NHSL1: variants seen among roughly 807,000 people sequenced by gnomAD.
NHSL1 encodes NHS-like protein 1.
In NHSL1, 48 loss-of-function variants were observed where a neutral mutation model predicts 95.0. The ratio of observed to expected loss-of-function variants is 0.51; its 90% CI spans 0.40 to 0.64. NHSL1 has a LOEUF of 0.64. Ranked by LOEUF, NHSL1 falls within the 30% of genes least tolerant of loss-of-function variation. NHSL1 has a pLI of 0.00. For synonymous variants in NHSL1, 783 were observed against 833.9 expected, an observed-to-expected ratio of 0.94 and a Z score of 1.05; for missense variants, 1,971 against 2,077.7, an observed-to-expected ratio of 0.95 and a Z score of 1.00.
At chr6:138,588,965 A>G (rs3861392) in intron 1 of NHSL1, among the ~76,000 whole-genome samples, 69,703 of 151,936 alleles carry the variant, frequency 0.46, 17,795 homozygotes, top group African/African-American at 0.68. Context: ...AGAACACGAC[A>G]TGCAGTGCTT....
Position 138,422,449 on chromosome 6 carries a change from T to C in NHSL1, c.*1632A>G, listed in dbSNP as rs1388334775. On this transcript the variant is annotated 3_prime_UTR_variant, in exon 8 of 8. Transcript: ENST00000343505. ...CTAAAGTTTTAGTTTATAAGTCTCA[T>C]AATGATTTGACCCATGCAGTCCAAC... 6.6e-6 allele frequency: 1 copy of C among 152,226 alleles called. No individual in the cohort carries two copies. The highest frequency in any genetic ancestry group is 1.5e-5 in the Non-Finnish European group (1 of 68,026). The allele number at this position is 152,226 out of a possible 1,614,324, so 9.4% of individuals were successfully genotyped here.
intron 1 of NHSL1, among the ~76,000 whole-genome samples, chr6:138,663,678 T>G (rs565574899): frequency 6.1e-4 from 93 of 152,198 alleles, no homozygotes; most frequent in Admixed American, 1.3e-3. Flanking sequence ...GAGACCAGCC[T>G]GGTCAACATG....
upstream of NHSL1, among the ~76,000 whole-genome samples, chr6:138,577,299 T>C (rs1444715373): frequency 6.6e-6 from 1 of 152,218 alleles, no homozygotes; most frequent in African/African-American, 2.4e-5. Context: ...CAGCCAAAAA[T>C]AGGAACTAAT....
chr6:138,543,562 C>G (rs1782666883), intron 1 of NHSL1, among the ~76,000 whole-genome samples: 1 of 152,146 alleles, frequency 6.6e-6, no homozygotes, highest in South Asian at 2.1e-4. Flanking sequence ...TGATTTAAAC[C>G]AAAGGAAGAG....
intron 2 of NHSL1, among the ~76,000 whole-genome samples, chr6:138,488,965 T>C (rs1161900339): frequency 6.6e-6 from 1 of 152,184 alleles, no homozygotes. Context: ...AGCTCCAGCA[T>C]TCTAGGGGTC....
chr6:138,686,741 C>T (rs1168682068), intron 1 of NHSL1, among the ~76,000 whole-genome samples: 1 of 152,108 alleles, frequency 6.6e-6, no homozygotes, highest in Non-Finnish European at 1.5e-5. Flanking sequence ...GCTCAGGTCT[C>T]CCAATTCCTA....
chr6:138,595,470 G>A (rs1784291327), intron 1 of NHSL1, among the ~76,000 whole-genome samples: 2 of 152,186 alleles, frequency 1.3e-5, no homozygotes, highest in Non-Finnish European at 2.9e-5. Context: ...CAGCTACTCA[G>A]GAGGCCAAGG....
Position 138,499,307 on chromosome 6 carries a change from T to C in NHSL1, c.-17A>G, listed in dbSNP as rs1780546706. 8.4e-6 allele frequency: 13 copies of C among 1,550,436 alleles called. No homozygotes were observed. The highest frequency in any genetic ancestry group is 1.7e-4 in the Middle Eastern group (1 of 5,982). On this transcript the variant is annotated 5_prime_UTR_variant, in exon 1 of 8. An upstream start codon of the reference 5' UTR is lost. Transcript: ENST00000343505. ...GACCACCATTTCCAGGGCACCTACA[T>C]AGAGCTTAGAAATGTAAATCACATT...
chr6:138,596,052 G>A (rs1276029881), intron 1 of NHSL1, among the ~76,000 whole-genome samples: 3 of 152,148 alleles, frequency 2.0e-5, no homozygotes, highest in African/African-American at 4.8e-5. Context: ...CAGGATGAAA[G>A]TATGTTTTCC....
At chr6:138,681,155 T>C (rs2114784853) in intron 1 of NHSL1, among the ~76,000 whole-genome samples, 2 of 152,254 alleles carry the variant, frequency 1.3e-5, no homozygotes, top group East Asian at 1.9e-4. Flanking sequence ...TTGGATTATA[T>C]ATATGAATGA....
intron 1 of NHSL1, among the ~76,000 whole-genome samples, chr6:138,539,743 T>A (rs764285559): frequency 2.6e-5 from 4 of 152,194 alleles, no homozygotes; most frequent in Non-Finnish European, 5.9e-5. Context: ...ACCCAGAGCA[T>A]GAATCCTTGC....
chr6:138,427,986 G>A (rs1775373140), intron 7 of NHSL1, among the ~76,000 whole-genome samples: 1 of 152,176 alleles, frequency 6.6e-6, no homozygotes, highest in African/African-American at 2.4e-5. Flanking sequence ...CCAACTGACC[G>A]ATTTCTACAT....
At chr6:138,647,602 C>CTT (rs368149578) in intron 1 of NHSL1, among the ~76,000 whole-genome samples, 4,896 of 136,166 alleles carry the variant, frequency 0.036, 290 homozygotes, top group African/African-American at 0.12. Context: ...ATATTTCTCA[C>CTT]TTTTTTTTTT....
rs369601534 is a variant in NHSL1, at chr6:138,625,245, C to T, written c.96+67231G>A. ...GCAACCTCCGCCTCCCAGGTTCAAG[C>T]GGTTCTCGTGCCTCAGCCTCCTGAG... On this transcript the variant is annotated intron_variant, in intron 1 of 3. Transcript: ENST00000491526. 5.3e-5 allele frequency among the ~76,000 whole-genome samples: 8 copies of T among 152,172 alleles called. No homozygotes were observed. The East Asian group carries it at 1.2e-3, about 22-fold the overall frequency.
chr6:138,492,730 C>T (rs1466893529), intron 2 of NHSL1, among the ~76,000 whole-genome samples: 1 of 152,084 alleles, frequency 6.6e-6, no homozygotes, highest in East Asian at 1.9e-4. Context: ...AGACTAGCTC[C>T]CCATAAAAAC....
rs74604782 is a variant in NHSL1, at chr6:138,529,842, A to G, written c.16+15781T>C. Among the ~76,000 whole-genome samples the G allele has an allele frequency of 9.9e-3, 1,503 of 152,296 alleles. 25 individuals carry two copies. Among genetic ancestry groups the G allele is most frequent in the African/African-American group, 0.034 (1,410 of 41,540 alleles). ...AATCCAGGCTAATCTCCCTTGGGTA[A>G]GGTCATTGATTAGTAACTTTAATGA... On this transcript the variant is annotated intron_variant, in intron 1 of 4. Transcript: ENST00000342260.
intron 2 of NHSL1, among the ~76,000 whole-genome samples, chr6:138,478,989 G>A (rs1779256679): frequency 6.6e-6 from 1 of 152,154 alleles, no homozygotes; most frequent in Admixed American, 6.5e-5. Flanking sequence ...TACTGCTGTG[G>A]CCTCCAAATC....
intron 3 of NHSL1, among the ~76,000 whole-genome samples, chr6:138,451,934 G>C (rs6905226): frequency 0.24 from 35,768 of 152,124 alleles, 5,810 homozygotes; most frequent in African/African-American, 0.46. Flanking sequence ...CACTTACTAG[G>C]TGTATGTTTT....
chr6:138,603,149 A>C (rs1784392479), intron 1 of NHSL1, among the ~76,000 whole-genome samples: 1 of 152,244 alleles, frequency 6.6e-6, no homozygotes. Flanking sequence ...TTTTAAAGCC[A>C]AAGAGTATAT....
Sources: allele counts gnomAD v4.1 joint callset (sites outside exome capture counted in the v4.1 genomes callset), GRCh38; gene constraint gnomAD v4.1.1; transcripts MANE v1.5; gene names NCBI Gene and HGNC (gene_info 2026-07-23, HGNC 2026-07-21).